ANKRD30A: variants seen among roughly 807,000 people sequenced by gnomAD.
ANKRD30A encodes ankyrin repeat domain 30A, also known as ankyrin repeat domain-containing protein 30A.
ANKRD30A carries 170 observed loss-of-function variants against 166.3 expected under a neutral mutation model. The ratio of observed to expected loss-of-function variants is 1.02; its 90% CI spans 0.90 to 1.16. The LOEUF is 1.16. Ranked by LOEUF, ANKRD30A falls within the 50% of genes most tolerant of loss-of-function variation. ANKRD30A has a pLI of 0.00. For synonymous variants in ANKRD30A, 564 were observed against 508.9 expected (o/e 1.11, Z -1.46); for missense variants, 1,630 against 1,518.0 (o/e 1.07, Z -1.23).
At position 37,219,271 on chromosome 10, in the gene ANKRD30A, G is replaced by A. The variant is rs1842758543; in HGVS notation, c.3559G>A (p.Asp1187Asn). 6.2e-7 allele frequency: 1 copy of A among 1,610,442 alleles called. No homozygotes were observed. The highest frequency in any genetic ancestry group is 8.5e-7 in the Non-Finnish European group (1 of 1,177,594). ...MLTSKLKEKQ[D>N]KEILEAEIES... ...CACTTCTAAATTGAAGGAAAAACAA[G>A]ACAAAGAAATACTAGAGGCAGAAAT... Residue 1187 changes from aspartate (D) to asparagine (N), a missense_variant, in exon 34 of 36, where the codon GAC (aspartate) becomes AAC (asparagine). By Grantham distance (23) the Asp-to-Asn change is conservative (BLOSUM62 1). Coordinates refer to ENST00000361713, the MANE Select transcript of ANKRD30A (RefSeq NM_052997.3).
intron 15 of ANKRD30A, among the ~76,000 whole-genome samples, chr10:37,160,163 T>C (rs1726514773): frequency 3.9e-5 from 6 of 152,202 alleles, no homozygotes; most frequent in African/African-American, 1.2e-4. Context: ...AATTAGACCG[T>C]CTTTTCTAGC....
chr10:37,264,569 C>T, the ANKRD30A span: 1 of 464,684 alleles, frequency 2.2e-6, no homozygotes, highest in Non-Finnish European at 3.5e-6. Context: ...GCTGACCAGT[C>T]TGGTGTTCTT....
At chr10:37,129,053 T>C (rs185942394) in intron 1 of ANKRD30A, among the ~76,000 whole-genome samples, 40 of 152,298 alleles carry the variant, frequency 2.6e-4, no homozygotes, top group African/African-American at 8.9e-4. Flanking sequence ...GCTTTAAAAA[T>C]ATTAAAGAAG....
intron 8 of ANKRD30A, among the ~76,000 whole-genome samples, chr10:37,146,350 T>A (rs1281633072): frequency 6.6e-6 from 1 of 152,280 alleles, no homozygotes; most frequent in Non-Finnish European, 1.5e-5. Context: ...GCACTTTATA[T>A]GACTTATTCT....
chr10:37,159,996 G>A (rs1288122137), intron 15 of ANKRD30A, among the ~76,000 whole-genome samples: 1 of 152,144 alleles, frequency 6.6e-6, no homozygotes, highest in African/African-American at 2.4e-5. Context: ...ACCGTGCCCG[G>A]CCGATGTCTG....
chr10:37,204,925 C>A (rs536063878), intron 31 of ANKRD30A, among the ~76,000 whole-genome samples: 1 of 152,034 alleles, frequency 6.6e-6, no homozygotes, highest in East Asian at 1.9e-4. Flanking sequence ...GTTAGAATGG[C>A]GATCATTAAA....
chr10:37,141,917 A>G lies in ANKRD30A; in HGVS notation c.1020A>G (p.Gln340=), dbSNP rs927720500. The G allele has an allele frequency of 8.7e-6, 14 of 1,614,116 alleles. No individual in the cohort carries two copies. Among genetic ancestry groups the G allele is most frequent in the East Asian group, 2.2e-5 (1 of 44,888 alleles). Residue 340 remains glutamine (Q), a synonymous_variant, in exon 7 of 36, where the codon CAA becomes CAG. Transcript: ENST00000361713. ...SLVEGTSDKI[Q]CLEKATSGKF... ...TGGAGGGAACATCTGACAAAATTCA[A>G]TGTTTGGAGAAAGCGACATCTGGAA...
intron 31 of ANKRD30A, among the ~76,000 whole-genome samples, chr10:37,213,435 A>G (rs1842442047): frequency 1.3e-5 from 2 of 151,778 alleles, no homozygotes; most frequent in East Asian, 1.9e-4. Context: ...TCCTAATAAC[A>G]TCACCTCTAT....
the ANKRD30A span, among the ~76,000 whole-genome samples, chr10:37,250,978 A>G: frequency 6.6e-6 from 1 of 152,198 alleles, no homozygotes; most frequent in South Asian, 2.1e-4. Flanking sequence ...CAGCCACCCC[A>G]GTCAAGATAA....
At chr10:37,234,944 C>A (rs1462001910), downstream of ANKRD30A, among the ~76,000 whole-genome samples, 1 of 152,190 alleles carries the variant, frequency 6.6e-6, no homozygotes, top group Middle Eastern at 3.4e-3. Flanking sequence ...TGTTGAACTG[C>A]GCTTTTTCCA....
chr10:37,219,524 G>T lies in ANKRD30A; in HGVS notation c.3812G>T (p.Gly1271Val). ...CTAAAAATTAATCTCAATTATGCAG[G>T]AGATGCTCTAAGAGAAAATACATTG... ...KSLKINLNYA[G>V]DALRENTLVS... Residue 1271 changes from glycine to valine, a missense_variant, in exon 34 of 36, where the codon GGA (glycine) becomes GTA (valine). Physicochemically the swap from Gly to Val is moderately radical, Grantham distance 109. Coordinates refer to ENST00000361713, the MANE Select transcript of ANKRD30A (RefSeq NM_052997.3). 1 of 1,610,170 alleles carries T rather than the reference G, an allele frequency of 6.2e-7. No homozygotes were observed. The highest frequency in any genetic ancestry group is 1.1e-5 in the South Asian group (1 of 90,956).
Position 37,179,037 on chromosome 10 carries a change from T to C in ANKRD30A, c.2421+2819T>C, listed in dbSNP as rs1307098650. Among the ~76,000 whole-genome samples the C allele has an allele frequency of 9.7e-3, 612 of 62,772 alleles. 7 individuals are homozygous for C. The highest frequency in any genetic ancestry group is 0.023 in the African/African-American group (568 of 25,076). 41.2% of individuals were successfully genotyped at this position (62,772 alleles called of 152,430 possible). A position where few individuals can be genotyped will look rare whatever the true frequency, so the allele number is the denominator to read the frequency against. On this transcript the variant is annotated intron_variant, in intron 24 of 35. Coordinates refer to ENST00000361713, the MANE Select transcript of ANKRD30A (RefSeq NM_052997.3). ...AAATATATATATATATATATATATATATATATATATATATATATATATATA... is the reference window on the plus strand; with the variant it reads ...AAATATATATATATATATATATATACATATATATATATATATATATATATA...
Position 37,142,172 on chromosome 10 carries a change from T to A in ANKRD30A, c.1275T>A (p.Pro425=), listed in dbSNP as rs748866515. Residue 425 remains proline, a synonymous_variant, in exon 7 of 36, where the codon CCT becomes CCA. Coordinates refer to ENST00000361713, the MANE Select transcript of ANKRD30A (RefSeq NM_052997.3). The part of the protein sequence containing the change: ...RKIAWEKKET[P]VKTGCVARVT... ...TCGCATGGGAGAAAAAAGAAACACC[T>A]GTAAAGACTGGATGCGTGGCAAGAG... 1.9e-6 allele frequency: 3 copies of A among 1,613,892 alleles called. No individual in the cohort carries two copies. The highest frequency in any genetic ancestry group is 2.5e-6 in the Non-Finnish European group (3 of 1,180,014).
chr10:37,152,542 GA>G (rs1280966880), intron 12 of ANKRD30A, among the ~76,000 whole-genome samples: 2 of 152,090 alleles, frequency 1.3e-5, no homozygotes, highest in African/African-American at 4.8e-5. Flanking sequence ...GCTGGGACCT[GA>G]AAAGTTAATG....
Position 37,162,940 on chromosome 10 carries a change from C to A in ANKRD30A, c.2002+92C>A. On this transcript the variant is annotated intron_variant, in intron 17 of 35. Coordinates refer to ENST00000361713, the MANE Select transcript of ANKRD30A (RefSeq NM_052997.3). ...GTACCCAATGGTTTATTTTTTTCAA[C>A]TTTGATGAAAAGATTTGATCTAGAT... 14 of 1,476,176 alleles carry A rather than the reference C, an allele frequency of 9.5e-6. No homozygotes were observed. In the South Asian group the frequency reaches 1.5e-4, roughly 16 times the overall value. The allele number at this position is 1,476,176 out of a possible 1,614,324, so 91.4% of individuals were successfully genotyped here. A position where few individuals can be genotyped will look rare whatever the true frequency, so the allele number is the denominator to read the frequency against.
the ANKRD30A span, among the ~76,000 whole-genome samples, chr10:37,244,095 C>T: frequency 1.3e-5 from 2 of 152,238 alleles, no homozygotes; most frequent in East Asian, 3.9e-4. Flanking sequence ...GATCCTTTTC[C>T]AACCTGCTTA....
At chr10:37,244,517 A>T in the ANKRD30A span, among the ~76,000 whole-genome samples, 1 of 152,220 alleles carries the variant, frequency 6.6e-6, no homozygotes, top group Non-Finnish European at 1.5e-5. Context: ...AGGACCTGCT[A>T]TCCTCACTTA....
intron 34 of ANKRD30A, 91 bp downstream of exon 34, chr10:37,219,988 A>AATATATATATATATATATATATATAT (rs71007624): frequency 5.3e-6 from 1 of 187,488 alleles, no homozygotes; most frequent in Non-Finnish European, 1.0e-5. Flanking sequence ...AATCTAGTTG[A>AATATATATATATATATATATATATAT]ATATATATAT....
intron 6 of ANKRD30A, among the ~76,000 whole-genome samples, chr10:37,141,081 A>G (rs899669313): frequency 1.6e-4 from 25 of 152,084 alleles, no homozygotes; most frequent in Non-Finnish European, 3.7e-4. Flanking sequence ...ATTTTATATT[A>G]TTTACTACTT....
Sources: allele counts gnomAD v4.1 joint callset (sites outside exome capture counted in the v4.1 genomes callset), GRCh38; gene constraint gnomAD v4.1.1; transcripts MANE v1.5; gene names NCBI Gene and HGNC (gene_info 2026-07-23, HGNC 2026-07-21).